VPS53: variants seen among roughly 807,000 people sequenced by gnomAD.
The protein encoded by VPS53 is VPS53 subunit of GARP complex.
Under a neutral mutation model 107.0 loss-of-function variants are expected in VPS53, and 70 were observed. That is an observed-to-expected ratio of 0.65 (90% CI 0.54 to 0.80). VPS53 has a LOEUF of 0.80. Among genes scored for constraint, VPS53 ranks in the 30% least tolerant of loss-of-function variants. The probability of loss-of-function intolerance (pLI) is 0.00; values close to 1 mark genes in which losing one functional copy is unlikely to be tolerated. For missense variants in VPS53, 917 were observed against 1,049.4 expected, an observed-to-expected ratio of 0.87 and a Z score of 1.74; for synonymous variants, 409 against 393.3, an observed-to-expected ratio of 1.04 and a Z score of -0.47.
chr17:572,415 G>A (rs1262695667), intron 13 of VPS53, among the ~76,000 whole-genome samples: 2 of 149,914 alleles, frequency 1.3e-5, no homozygotes, highest in African/African-American at 2.5e-5. Context: ...GGGAGGTGGG[G>A]GGGTCAGCCC....
rs78057660 is a variant in VPS53, at chr17:567,878, G to T, written c.1314-5133C>A. 2.1e-3 allele frequency among the ~76,000 whole-genome samples: 298 copies of T among 143,068 alleles called. 8 individuals are homozygous for T. In the East Asian group the frequency reaches 0.062, roughly 30 times the overall value. The allele number at this position is 143,068 out of a possible 152,430, so 93.9% of individuals were successfully genotyped here. ...CACTCCAGCCTGGACAACAGAGCAA[G>T]ACATTGTCGAAGGGGAGGGGAGGGG... On this transcript the variant is annotated intron_variant, in intron 13 of 21. Transcript: ENST00000437048.
At chr17:534,119 C>T (rs190576837) in intron 18 of VPS53, among the ~76,000 whole-genome samples, 3 of 152,342 alleles carry the variant, frequency 2.0e-5, no homozygotes, top group South Asian at 2.1e-4. Context: ...GGATGACAGG[C>T]GTGAGCCACC....
intron 4 of VPS53, among the ~76,000 whole-genome samples, chr17:692,084 G>C (rs149613397): frequency 5.0e-4 from 76 of 152,272 alleles, no homozygotes; most frequent in African/African-American, 1.8e-3. Flanking sequence ...CCATTGAAGA[G>C]ACAGAAACTC....
At chr17:537,360 T>C (rs1910171984) in intron 17 of VPS53, 184 bp from the exon 18 acceptor site, 3 of 661,804 alleles carry the variant, frequency 4.5e-6, no homozygotes, top group African/African-American at 1.8e-5. Flanking sequence ...CAAATGCGAG[T>C]GTGCCCAGCG....
intron 12 of VPS53, among the ~76,000 whole-genome samples, chr17:587,439 C>T (rs1036310804): frequency 6.6e-6 from 1 of 152,258 alleles, no homozygotes; most frequent in South Asian, 2.1e-4. Flanking sequence ...TAAGAAAGGA[C>T]AGTTGGTAAC....
rs1178300869 is a variant in VPS53, at chr17:508,923, A to C, written c.*10205T>G. 1 of 152,210 alleles carries C rather than the reference A, an allele frequency of 6.6e-6. No individual in the cohort carries two copies. The highest frequency in any genetic ancestry group is 1.5e-5 in the Non-Finnish European group (1 of 68,040). The allele number at this position is 152,210 out of a possible 1,614,324, so 9.4% of individuals were successfully genotyped here. ...TCTTCTGAAAAATATTTGAACTCAT[A>C]AAATGTATTCATAAAATACTTTTAT... On this transcript the variant is annotated 3_prime_UTR_variant, in exon 22 of 22. Transcript: ENST00000437048.
intron 7 of VPS53, among the ~76,000 whole-genome samples, chr17:640,271 T>C (rs1314877936): frequency 2.0e-5 from 3 of 151,912 alleles, no homozygotes; most frequent in African/African-American, 7.3e-5. Flanking sequence ...AGGGTGGGAG[T>C]GACCCAATTT....
chr17:584,491 A>G (rs1967213856), intron 13 of VPS53, among the ~76,000 whole-genome samples: 2 of 152,186 alleles, frequency 1.3e-5, no homozygotes, highest in South Asian at 4.1e-4. Context: ...TTTGGAGGCT[A>G]CAAGTTTGTG....
At chr17:669,500 T>C (rs1444869991) in intron 4 of VPS53, among the ~76,000 whole-genome samples, 2 of 147,908 alleles carry the variant, frequency 1.4e-5, no homozygotes, top group Non-Finnish European at 3.0e-5. Context: ...GGCTGAGGCA[T>C]GAGAATCACT....
chr17:651,108 G>A lies in VPS53; in HGVS notation c.608+2183C>T, dbSNP rs181258983. On this transcript the variant is annotated intron_variant, in intron 7 of 21. Coordinates refer to ENST00000437048, the MANE Select transcript of VPS53 (RefSeq NM_001128159.3). Reference sequence around the variant, plus strand: ...GTAAATACACACACAAATCCAGAGCGATAGCCACTGAAACTACAGATTTAT... The same window carrying A: ...GTAAATACACACACAAATCCAGAGCAATAGCCACTGAAACTACAGATTTAT... Among the ~76,000 whole-genome samples the A allele has an allele frequency of 1.1e-3, 173 of 152,184 alleles. 2 individuals carry two copies. Among genetic ancestry groups the A allele is most frequent in the African/African-American group, 3.8e-3 (157 of 41,524 alleles).
intron 5 of VPS53, among the ~76,000 whole-genome samples, chr17:658,344 T>C (rs896062094): frequency 2.1e-5 from 3 of 143,734 alleles, no homozygotes; most frequent in African/African-American, 7.8e-5. Context: ...AGTTCGTGGA[T>C]AGATACATCC....
intron 11 of VPS53, among the ~76,000 whole-genome samples, chr17:613,596 A>C (rs548543131): frequency 6.4e-4 from 95 of 149,392 alleles, no homozygotes; most frequent in African/African-American, 2.3e-3. Flanking sequence ...CACACAGTGA[A>C]AACCTGTACA....
intron 7 of VPS53, among the ~76,000 whole-genome samples, chr17:639,089 C>T (rs1218444469): frequency 6.6e-6 from 1 of 152,178 alleles, no homozygotes; most frequent in Non-Finnish European, 1.5e-5. Flanking sequence ...CACATAGTCC[C>T]GTATTTCTTG....
At position 586,283 on chromosome 17, in the gene VPS53, C is replaced by T. The variant is rs1465220028; in HGVS notation, c.1300G>A (p.Glu434Lys). The part of the protein sequence containing the change: ...CFEPHLYVYI[E>K]SQDKNLGELI... ...TTCCTCACTCACTTGTCTTGGGATT[C>T]GATATACACGTAGAGATGAGGCTCA... Residue 434 changes from glutamate to lysine, a missense_variant, in exon 13 of 22, where the codon GAA becomes AAA. Coordinates refer to ENST00000437048, the MANE Select transcript of VPS53 (RefSeq NM_001128159.3). 1.2e-6 allele frequency: 2 copies of T among 1,613,734 alleles called. No homozygotes were observed. Among genetic ancestry groups the T allele is most frequent in the South Asian group, 2.2e-5 (2 of 91,062 alleles).
chr17:670,018 C>A (rs1362552083), intron 4 of VPS53, among the ~76,000 whole-genome samples: 1 of 152,186 alleles, frequency 6.6e-6, no homozygotes, highest in Non-Finnish European at 1.5e-5. Context: ...TAATCTACCC[C>A]ACTAGAGTTT....
At chr17:684,875 C>A (rs796252897) in intron 4 of VPS53, among the ~76,000 whole-genome samples, 1 of 151,958 alleles carries the variant, frequency 6.6e-6, no homozygotes, top group East Asian at 1.9e-4. Context: ...GTAATCCCAG[C>A]GACTCGAGAG....
intron 4 of VPS53, among the ~76,000 whole-genome samples, chr17:666,755 C>T (rs1383188861): frequency 6.6e-6 from 1 of 152,044 alleles, no homozygotes; most frequent in Non-Finnish European, 1.5e-5. Flanking sequence ...CCTGTCTCTA[C>T]TAAAAATACA....
intron 7 of VPS53, among the ~76,000 whole-genome samples, chr17:644,509 C>T (rs982660732): frequency 6.6e-6 from 1 of 151,996 alleles, no homozygotes; most frequent in African/African-American, 2.4e-5. Context: ...ACGTTTAGTA[C>T]CTCTTAAAAA....
At chr17:553,620 G>C (rs1466377789) in intron 15 of VPS53, among the ~76,000 whole-genome samples, 158 bp from the exon 16 acceptor site, 1 of 148,260 alleles carries the variant, frequency 6.7e-6, no homozygotes, top group Non-Finnish European at 1.5e-5. Flanking sequence ...GCCTAGGCTG[G>C]AGTGCAGTGG....
Sources: gnomAD v4.1 joint callset for allele counts (sites outside exome capture counted in the v4.1 genomes callset) on GRCh38, gnomAD v4.1.1 for gene constraint, MANE v1.5 for transcripts, NCBI Gene and HGNC (gene_info 2026-07-23, HGNC 2026-07-21) for gene names.